Variants in LRFN2 observed in about 807,000 individuals in gnomAD.
LRFN2 encodes the protein leucine rich repeat and fibronectin type III domain containing 2, also known as leucine-rich repeat and fibronectin type-III domain-containing protein 2.
LRFN2 carries 18 observed loss-of-function variants against 37.3 expected under a neutral mutation model. The observed-to-expected ratio is 0.48, with a 90% CI of 0.33 to 0.72. The LOEUF is 0.72. Ranked by LOEUF, LRFN2 falls within the 30% of genes least tolerant of loss-of-function variation. LRFN2 has a pLI of 0.02. For missense variants in LRFN2, 1,006 were observed against 1,060.7 expected, an observed-to-expected ratio of 0.95 and a Z score of 0.72; for synonymous variants, 556 against 466.6, an observed-to-expected ratio of 1.19 and a Z score of -2.47.
chr6:40,479,675 G>A (rs1764783350), intron 1 of LRFN2, among the ~76,000 whole-genome samples: 1 of 152,182 alleles, frequency 6.6e-6, no homozygotes, highest in South Asian at 2.1e-4. Flanking sequence ...TAAGCAAGCT[G>A]AGACTCAGCA....
intron 1 of LRFN2, among the ~76,000 whole-genome samples, chr6:40,498,327 T>A (rs570097861): frequency 3.9e-5 from 6 of 152,258 alleles, no homozygotes; most frequent in African/African-American, 1.2e-4. Context: ...CTAAGCTGCA[T>A]TCATGGCTGA....
intron 2 of LRFN2, among the ~76,000 whole-genome samples, chr6:40,420,572 G>A (rs764198100): frequency 9.8e-5 from 15 of 152,348 alleles, no homozygotes; most frequent in African/African-American, 3.4e-4. Flanking sequence ...CGATGCTTTC[G>A]CCCATGCAGC....
chr6:40,534,162 G>A (rs1766405748), intron 1 of LRFN2, among the ~76,000 whole-genome samples: 2 of 152,112 alleles, frequency 1.3e-5, no homozygotes, highest in Non-Finnish European at 2.9e-5. Flanking sequence ...ACATTCCAGG[G>A]GGCCAGGAAC....
chr6:40,452,962 C>T (rs1561861994), intron 1 of LRFN2, among the ~76,000 whole-genome samples: 1 of 152,178 alleles, frequency 6.6e-6, no homozygotes, highest in Non-Finnish European at 1.5e-5. Context: ...TTGGTTGTAG[C>T]CTCCGGCAAC....
intron 2 of LRFN2, among the ~76,000 whole-genome samples, chr6:40,407,613 T>C (rs1331609962): frequency 6.6e-6 from 1 of 152,212 alleles, no homozygotes; most frequent in Non-Finnish European, 1.5e-5. Flanking sequence ...ACTCATCACT[T>C]GGAGAAAAAA....
intron 1 of LRFN2, among the ~76,000 whole-genome samples, chr6:40,515,319 C>T (rs550245637): frequency 6.6e-6 from 1 of 152,298 alleles, no homozygotes; most frequent in East Asian, 1.9e-4. Context: ...AAACTGTGTG[C>T]TGACCTGGTT....
chr6:40,480,302 A>G (rs922410071), intron 1 of LRFN2, among the ~76,000 whole-genome samples: 2 of 151,516 alleles, frequency 1.3e-5, no homozygotes, highest in Non-Finnish European at 2.9e-5. Flanking sequence ...TTTTGAGATG[A>G]GGTTTTGCTC....
chr6:40,586,221 T>A (rs1767500772), intron 1 of LRFN2, among the ~76,000 whole-genome samples: 1 of 152,076 alleles, frequency 6.6e-6, no homozygotes, highest in Non-Finnish European at 1.5e-5. Context: ...CTCTCCCTCC[T>A]CCCTGCCCAG....
At chr6:40,549,700 C>T (rs1318375586) in intron 1 of LRFN2, among the ~76,000 whole-genome samples, 1 of 151,436 alleles carries the variant, frequency 6.6e-6, no homozygotes, top group African/African-American at 2.4e-5. Flanking sequence ...AGATTGGGCT[C>T]ACCAGGAAGT....
Position 40,432,917 on chromosome 6 carries a change from T to C in LRFN2, c.197A>G (p.His66Arg). 1.2e-6 allele frequency: 2 copies of C among 1,614,114 alleles called. No individual in the cohort carries two copies. The highest frequency in any genetic ancestry group is 1.7e-6 in the Non-Finnish European group (2 of 1,179,946). ...ELRLGGNFII[H>R]ISRQDFANMT... ...GTTGGCAAAGTCCTGGCGGCTGATGTGGATGATGAAGTTGCCGCCCAGGCG... is the reference window on the plus strand; with the variant it reads ...GTTGGCAAAGTCCTGGCGGCTGATGCGGATGATGAAGTTGCCGCCCAGGCG... Residue 66 changes from histidine (H) to arginine (R), a missense_variant, in exon 2 of 3, where the codon CAC becomes CGC. His to Arg is a conservative substitution (Grantham distance 29). Around this residue, in one of 4 missense-constraint regions of LRFN2, gnomAD observed 185 missense variants for 254.9 expected, o/e 0.73. Transcript: ENST00000338305.
chr6:40,585,987 A>C lies in LRFN2; in HGVS notation c.-19+954T>G, dbSNP rs377198635. On this transcript the variant is annotated intron_variant, in intron 1 of 2. Transcript: ENST00000338305. ...TCCCTGCAGGTGTCTGTCCGTCTGC[A>C]GCTGTCTGCTGTCGCCGGGTGCATT... Among the ~76,000 whole-genome samples the C allele has an allele frequency of 5.9e-5, 9 of 152,224 alleles. No individual in the cohort carries two copies. The East Asian group carries it at 1.5e-3, about 26-fold the overall frequency.
intron 1 of LRFN2, among the ~76,000 whole-genome samples, chr6:40,535,865 A>G (rs1008924661): frequency 2.0e-5 from 3 of 152,158 alleles, no homozygotes; most frequent in Admixed American, 1.3e-4. Flanking sequence ...TGCACAATGC[A>G]GAGAAAAAAT....
At chr6:40,520,914 T>C (rs912841947) in intron 1 of LRFN2, among the ~76,000 whole-genome samples, 1 of 151,624 alleles carries the variant, frequency 6.6e-6, no homozygotes, top group African/African-American at 2.4e-5. Flanking sequence ...AAACATTATC[T>C]CAGTTCTGTC....
chr6:40,452,539 A>C (rs1337221735), intron 1 of LRFN2, among the ~76,000 whole-genome samples: 1 of 152,224 alleles, frequency 6.6e-6, no homozygotes, highest in African/African-American at 2.4e-5. Context: ...AGTACATTTC[A>C]GCTTGTGGCC....
At chr6:40,495,468 A>T (rs118136775) in intron 1 of LRFN2, among the ~76,000 whole-genome samples, 1 of 152,238 alleles carries the variant, frequency 6.6e-6, no homozygotes, top group East Asian at 1.9e-4. Flanking sequence ...CATGTTGGGC[A>T]TTTACTCCTA....
chr6:40,571,805 CACA>C (rs1238681782), intron 1 of LRFN2, among the ~76,000 whole-genome samples: 1 of 152,202 alleles, frequency 6.6e-6, no homozygotes, highest in Non-Finnish European at 1.5e-5. Context: ...TTGAGGGCCC[CACA>C]ACAAGTTGGT....
chr6:40,495,647 A>G (rs1338755838), intron 1 of LRFN2, among the ~76,000 whole-genome samples: 3 of 152,122 alleles, frequency 2.0e-5, no homozygotes, highest in Non-Finnish European at 4.4e-5. Context: ...AGTAGCACAC[A>G]GCCATGTTGA....
intron 2 of LRFN2, among the ~76,000 whole-genome samples, chr6:40,418,154 G>A (rs1344681513): frequency 6.6e-6 from 1 of 152,080 alleles, no homozygotes; most frequent in Admixed American, 6.6e-5. Context: ...TCCTCCAGAG[G>A]CACTGGAGTC....
At chr6:40,515,776 C>T (rs1385630038) in intron 1 of LRFN2, among the ~76,000 whole-genome samples, 1 of 151,668 alleles carries the variant, frequency 6.6e-6, no homozygotes, top group Non-Finnish European at 1.5e-5. Flanking sequence ...GACTGTAATC[C>T]CAGGTACTCG....
Sources: gnomAD v4.1 joint callset for allele counts (sites outside exome capture counted in the v4.1 genomes callset) on GRCh38, gnomAD v4.1.1 for gene constraint, gnomAD v4.1.1 regional missense constraint, MANE v1.5 for transcripts, NCBI Gene and HGNC (gene_info 2026-07-23, HGNC 2026-07-21) for gene names.